ACAP2: variants seen among roughly 807,000 people sequenced by gnomAD.
ACAP2 encodes ArfGAP with coiled-coil, ankyrin repeat and PH domains 2.
Under a neutral mutation model 115.8 loss-of-function variants are expected in ACAP2, and 39 were observed. That is an observed-to-expected ratio of 0.34 (90% CI 0.26 to 0.44). The LOEUF is 0.44. Among genes scored for constraint, ACAP2 ranks in the 20% least tolerant of loss-of-function variants. The pLI, the probability that ACAP2 is intolerant of heterozygous loss-of-function variation, is 1.00. For synonymous variants in ACAP2, 289 were observed against 315.8 expected (o/e 0.92, Z 0.90); for missense variants, 662 against 927.6 (o/e 0.71, Z 3.72).
intron 15 of ACAP2, 71 bp from the exon 16 acceptor site, chr3:195,297,352 T>A: frequency 7.3e-7 from 1 of 1,361,740 alleles, no homozygotes; most frequent in Non-Finnish European, 1.0e-6. Flanking sequence ...AATTTAAAAA[T>A]CCTTTAAGCA....
At chr3:195,411,140 A>G (rs918695475) in intron 1 of ACAP2, 6 of 193,814 alleles carry the variant, frequency 3.1e-5, no homozygotes, top group South Asian at 1.8e-4. Flanking sequence ...ACAAGTGTCA[A>G]TGAGGACGTG....
chr3:195,436,522 T>C (rs1201277787), intron 1 of ACAP2, among the ~76,000 whole-genome samples: 1 of 152,232 alleles, frequency 6.6e-6, no homozygotes, highest in Non-Finnish European at 1.5e-5. Context: ...TTTTGGGTAC[T>C]GTTTGCATGG....
intron 22 of ACAP2, 89 bp downstream of exon 22, chr3:195,285,707 G>T: frequency 1.8e-6 from 2 of 1,100,118 alleles, no homozygotes; most frequent in Non-Finnish European, 2.7e-6. Flanking sequence ...GTTTGCTAAA[G>T]AACTATGAAT....
intron 10 of ACAP2, among the ~76,000 whole-genome samples, chr3:195,313,334 A>G (rs2109006125): frequency 6.6e-6 from 1 of 152,336 alleles, no homozygotes; most frequent in South Asian, 2.1e-4. Context: ...TATAGATAGC[A>G]CCTCGCGCCT....
At chr3:195,437,105 T>C (rs1715601752) in intron 1 of ACAP2, among the ~76,000 whole-genome samples, 1 of 152,190 alleles carries the variant, frequency 6.6e-6, no homozygotes, top group Admixed American at 6.5e-5. Flanking sequence ...TGGAGTACAG[T>C]GGCATCACCA....
At chr3:195,348,634 G>A (rs1021280574) in intron 4 of ACAP2, among the ~76,000 whole-genome samples, 3 of 152,044 alleles carry the variant, frequency 2.0e-5, no homozygotes, top group Admixed American at 6.6e-5. Context: ...CATCATGACC[G>A]ACTGGGATAT....
chr3:195,403,387 C>T (rs1034662892), intron 1 of ACAP2, among the ~76,000 whole-genome samples: 1 of 152,148 alleles, frequency 6.6e-6, no homozygotes, highest in African/African-American at 2.4e-5. Flanking sequence ...AAGAACCATG[C>T]TGTAAAGTAT....
intron 22 of ACAP2, among the ~76,000 whole-genome samples, chr3:195,284,751 A>T (rs541105406): frequency 6.0e-4 from 92 of 152,366 alleles, no homozygotes; most frequent in African/African-American, 2.1e-3. Context: ...ATTCATTTTT[A>T]AAAAACCAAA....
At chr3:195,348,034 GAAAAGAA>G (rs1018646850) in intron 4 of ACAP2, among the ~76,000 whole-genome samples, 3 of 141,896 alleles carry the variant, frequency 2.1e-5, no homozygotes, top group Non-Finnish European at 4.5e-5. Context: ...AAGAAGAAAA[GAAAAGAA>G]AAAAGAAAAC....
intron 1 of ACAP2, among the ~76,000 whole-genome samples, chr3:195,432,263 C>T (rs959245633): frequency 6.6e-6 from 1 of 152,140 alleles, no homozygotes; most frequent in African/African-American, 2.4e-5. Context: ...AAACCATTGC[C>T]TAATTCAAGG....
chr3:195,291,403 A>G (rs1168631144), intron 20 of ACAP2, among the ~76,000 whole-genome samples: 1 of 152,264 alleles, frequency 6.6e-6, no homozygotes, highest in Admixed American at 6.5e-5. Context: ...ACACAAACAC[A>G]GGCTTAAGTT....
intron 1 of ACAP2, among the ~76,000 whole-genome samples, chr3:195,411,540 T>C (rs1485947529): frequency 6.6e-6 from 1 of 152,218 alleles, no homozygotes; most frequent in African/African-American, 2.4e-5. Flanking sequence ...TTAAACACAA[T>C]TTTTTAAATT....
At chr3:195,374,135 C>T (rs1733356495) in intron 4 of ACAP2, among the ~76,000 whole-genome samples, 1 of 152,146 alleles carries the variant, frequency 6.6e-6, no homozygotes, top group Admixed American at 6.5e-5. Flanking sequence ...ACTGTCATCC[C>T]AGCACTTTGG....
At chr3:195,299,453 G>A (rs555215147) in intron 15 of ACAP2, among the ~76,000 whole-genome samples, 2 of 149,982 alleles carry the variant, frequency 1.3e-5, no homozygotes, top group Admixed American at 1.3e-4. Context: ...TGAGGCACAA[G>A]AATTGTTCCA....
intron 1 of ACAP2, among the ~76,000 whole-genome samples, chr3:195,415,187 G>A (rs1363018894): frequency 6.6e-6 from 1 of 152,160 alleles, no homozygotes; most frequent in Non-Finnish European, 1.5e-5. Context: ...GATGTTGATA[G>A]TGGGGAAGGT....
chr3:195,421,687 AAC>A (rs1205529435), intron 1 of ACAP2, among the ~76,000 whole-genome samples: 5 of 152,328 alleles, frequency 3.3e-5, no homozygotes, highest in African/African-American at 1.2e-4. Flanking sequence ...GTTTGAATTA[AAC>A]AGTTTTGTAA....
Position 195,295,870 on chromosome 3 carries a change from T to C in ACAP2, c.1510A>G (p.Arg504Gly). Residue 504 changes from arginine to glycine, a missense_variant, in exon 17 of 23, where the codon AGA becomes GGA. Coordinates refer to ENST00000326793, the MANE Select transcript of ACAP2 (RefSeq NM_012287.6). ...AATTTCCTCTCCACATATTTTGCTC[T>C]GATATATGCCTCCTTCTCCTGTCTG... The part of the protein sequence containing the change: ...GQRQEKEAYI[R>G]AKYVERKFVD... 2 of 1,612,790 alleles carry C rather than the reference T, an allele frequency of 1.2e-6. No homozygotes were observed. The highest frequency in any genetic ancestry group is 1.7e-6 in the Non-Finnish European group (2 of 1,179,614).
At chr3:195,378,477 C>T (rs1279121090) in intron 4 of ACAP2, among the ~76,000 whole-genome samples, 1 of 148,230 alleles carries the variant, frequency 6.7e-6, no homozygotes, top group Non-Finnish European at 1.5e-5. Flanking sequence ...GGCAACAGAG[C>T]GAGACTCCGT....
At chr3:195,426,331 G>C (rs1714684017) in intron 1 of ACAP2, among the ~76,000 whole-genome samples, 1 of 152,124 alleles carries the variant, frequency 6.6e-6, no homozygotes, top group African/African-American at 2.4e-5. Flanking sequence ...AACATCCTGG[G>C]TTTCCAGGTG....
Sources: gnomAD v4.1 joint callset for allele counts (sites outside exome capture counted in the v4.1 genomes callset) on GRCh38, gnomAD v4.1.1 for gene constraint, MANE v1.5 for transcripts, NCBI Gene and HGNC (gene_info 2026-07-23, HGNC 2026-07-21) for gene names.